TUT7: variants seen among roughly 807,000 people sequenced by gnomAD.
TUT7 encodes the protein terminal uridylyl transferase 7.
Under a neutral mutation model 165.9 loss-of-function variants are expected in TUT7, and 33 were observed. That is an observed-to-expected ratio of 0.20 (90% CI 0.15 to 0.27). The LOEUF (loss-of-function observed/expected upper bound fraction) is 0.27. Ranked by LOEUF, TUT7 falls within the 10% of genes least tolerant of loss-of-function variation. The pLI is 1.00. For missense variants in TUT7, 1,338 were observed against 1,762.3 expected (o/e 0.76, Z 4.31); for synonymous variants, 552 against 608.1 (o/e 0.91, Z 1.36).
intron 26 of TUT7, among the ~76,000 whole-genome samples, chr9:86,298,067 C>CA (rs1234487205): frequency 6.6e-6 from 1 of 152,120 alleles, no homozygotes; most frequent in African/African-American, 2.4e-5. Flanking sequence ...CGACTGGCCC[C>CA]TTTGTTTCAT....
chr9:86,302,697 A>G (rs1827056298), intron 25 of TUT7, among the ~76,000 whole-genome samples: 1 of 150,452 alleles, frequency 6.6e-6, no homozygotes, highest in Non-Finnish European at 1.5e-5. Flanking sequence ...GCTCACTGCA[A>G]TCTCTGCCTC....
chr9:86,322,431 T>C lies in TUT7; in HGVS notation c.2922A>G (p.Leu974=), dbSNP rs1348965619. The change falls in exon 14 of 27, where the codon CTA becomes CTG. Residue 974 remains leucine (L), a synonymous_variant. Coordinates refer to ENST00000375963, the MANE Select transcript of TUT7 (RefSeq NM_024617.4). ...VCSLCKREGH[L]KKDCPEDFKR... Reference sequence around the variant, plus strand: ...TGAAGTCTTCAGGACAGTCCTTCTTTAGATGACCCTCTCGTTTGCATAAGC... The same window carrying C: ...TGAAGTCTTCAGGACAGTCCTTCTTCAGATGACCCTCTCGTTTGCATAAGC... 6.2e-7 allele frequency: 1 copy of C among 1,614,086 alleles called. No homozygotes were observed. The highest frequency in any genetic ancestry group is 1.7e-5 in the Admixed American group (1 of 60,014).
In TUT7 at chr9:86,343,104, C is replaced by T; in HGVS notation, c.1057G>A (p.Val353Ile). 1.2e-6 allele frequency: 2 copies of T among 1,604,412 alleles called. No homozygotes were observed. Among genetic ancestry groups the T allele is most frequent in the Middle Eastern group, 1.7e-4 (1 of 5,824 alleles). ...GCTGGAAACTGGATGTCAATGTTTA[C>T]ATCCGAATTTTTGAAACCCAATCTG... is the stretch of plus-strand genomic sequence containing the variant. ...CSRLGFKNSD[V>I]NIDIQFPAIM... Residue 353 changes from valine to isoleucine, a missense_variant, in exon 6 of 27, where the codon GTA (valine) becomes ATA (isoleucine). Val to Ile is a conservative substitution (Grantham distance 29). Coordinates refer to ENST00000375963, the MANE Select transcript of TUT7 (RefSeq NM_024617.4).
intron 10 of TUT7, among the ~76,000 whole-genome samples, chr9:86,330,511 A>G (rs1411673151): frequency 6.6e-6 from 1 of 152,216 alleles, no homozygotes; most frequent in African/African-American, 2.4e-5. Context: ...GGTTGGATGT[A>G]TGTATTCAAT....
chr9:86,308,395 G>A (rs779990692), intron 22 of TUT7, 34 bp downstream of exon 22: 10 of 1,576,730 alleles, frequency 6.3e-6, no homozygotes, highest in African/African-American at 2.7e-5. Context: ...AAGCTCTATA[G>A]TCTATTCGAC....
intron 10 of TUT7, among the ~76,000 whole-genome samples, chr9:86,328,993 A>G (rs1830061997): frequency 6.6e-6 from 1 of 152,242 alleles, no homozygotes; most frequent in Admixed American, 6.5e-5. Context: ...TAATAAATAC[A>G]AGACAACTAT....
At position 86,353,097 on chromosome 9, in the gene TUT7, T is replaced by TA. The variant is rs1564108311; in HGVS notation, c.102_103insT (p.Ile35TyrfsTer4). On this transcript the variant is annotated frameshift_variant, in exon 2 of 27. Coordinates refer to ENST00000375963, the MANE Select transcript of TUT7 (RefSeq NM_024617.4). LOFTEE classifies it high-confidence loss of function. Reference sequence around the variant, plus strand: ...TGGCCTTTAGCATGGTCATCTATTATTAAATAATCTTGTTGGGGGTGACCC... The same window carrying TA: ...TGGCCTTTAGCATGGTCATCTATTATATAAATAATCTTGTTGGGGGTGACCC... 2 of 1,614,008 alleles carry TA rather than the reference T, an allele frequency of 1.2e-6. No individual in the cohort carries two copies.
Position 86,322,236 on chromosome 9 carries a change from T to G in TUT7, c.3028+89A>C, listed in dbSNP as rs538579074. ...AATAGACTTGGTCCCTAATAATGTT[T>G]AGAGACCTAAATAGGATAGTGATTC... On this transcript the variant is annotated intron_variant, in intron 14 of 26. Transcript: ENST00000375963. The G allele has an allele frequency of 4.5e-5, 56 of 1,246,158 alleles. No homozygotes were observed. In the South Asian group the frequency reaches 6.5e-4, roughly 15 times the overall value. 77.2% of individuals were successfully genotyped at this position (1,246,158 alleles called of 1,614,324 possible).
At chr9:86,293,396 T>C (rs1314588933) in intron 26 of TUT7, among the ~76,000 whole-genome samples, 2 of 151,986 alleles carry the variant, frequency 1.3e-5, no homozygotes, top group Non-Finnish European at 2.9e-5. Context: ...TAGTGAGCTA[T>C]AATTGAGCCA....
intron 1 of TUT7, among the ~76,000 whole-genome samples, chr9:86,353,523 T>C (rs573028360): frequency 6.6e-6 from 1 of 152,328 alleles, no homozygotes; most frequent in South Asian, 2.1e-4. Flanking sequence ...AGTAGAATAT[T>C]ACTCATATCA....
chr9:86,350,903 C>A (rs1312799767), intron 2 of TUT7, among the ~76,000 whole-genome samples: 1 of 150,914 alleles, frequency 6.6e-6, no homozygotes, highest in African/African-American at 2.4e-5. Context: ...GAAGCAGAGG[C>A]AGGTCGATCA....
chr9:86,345,165 C>G lies in TUT7; in HGVS notation c.820-11G>C, dbSNP rs749100171. 6.3e-7 allele frequency: 1 copy of G among 1,598,418 alleles called. No individual in the cohort carries two copies. Among genetic ancestry groups the G allele is most frequent in the South Asian group, 1.1e-5 (1 of 88,524 alleles). On this transcript the variant is annotated splice_polypyrimidine_tract_variant and intron_variant, in intron 4 of 26. Transcript: ENST00000375963. ...TTCCTCTTGCTTCTCCTTTTAAGAT[C>G]AAATGTTGAGATTAAAAATGACTTA...
At chr9:86,315,638 C>T (rs1048608790) in intron 17 of TUT7, among the ~76,000 whole-genome samples, 12 of 152,090 alleles carry the variant, frequency 7.9e-5, no homozygotes, top group Non-Finnish European at 1.5e-4. Context: ...CTTTGCACGA[C>T]CTTCAAAACA....
chr9:86,324,164 T>C (rs1222913282), intron 12 of TUT7, among the ~76,000 whole-genome samples: 2 of 152,116 alleles, frequency 1.3e-5, no homozygotes, highest in African/African-American at 2.4e-5. Flanking sequence ...TTCTGAAACA[T>C]CGGCTCTATG....
chr9:86,343,125 A>G lies in TUT7; in HGVS notation c.1036T>C (p.Leu346=), dbSNP rs771082181. The change falls in exon 6 of 27, where the codon TTG becomes CTG. Residue 346 remains leucine (L), a synonymous_variant. Coordinates refer to ENST00000375963, the MANE Select transcript of TUT7 (RefSeq NM_024617.4). ...TTTACATCCGAATTTTTGAAACCCA[A>G]TCTGCTACAGGATGACCCATATAAT... is the stretch of plus-strand genomic sequence containing the variant. The part of the protein sequence containing the change: ...LRLYGSSCSR[L]GFKNSDVNID... The G allele has an allele frequency of 1.1e-5, 18 of 1,603,334 alleles. No individual in the cohort carries two copies. The highest frequency in any genetic ancestry group is 1.0e-4 in the Admixed American group (6 of 58,858).
At chr9:86,303,292 C>T in intron 24 of TUT7, 91 bp from the exon 25 acceptor site, 1 of 600,744 alleles carries the variant, frequency 1.7e-6, no homozygotes, top group Non-Finnish European at 3.0e-6. Context: ...TCTTACAATT[C>T]AATGTTGATA....
intron 26 of TUT7, among the ~76,000 whole-genome samples, chr9:86,300,958 G>T (rs1443112860): frequency 2.0e-5 from 3 of 152,218 alleles, no homozygotes; most frequent in Non-Finnish European, 4.4e-5. Flanking sequence ...AAGTAGCAAA[G>T]CTCAAGTTGC....
intron 2 of TUT7, among the ~76,000 whole-genome samples, chr9:86,348,359 T>C (rs1157885658): frequency 6.6e-6 from 1 of 152,250 alleles, no homozygotes. Flanking sequence ...CTGCTAATAC[T>C]GTCCCCATTG....
At chr9:86,348,877 A>C (rs1381972104) in intron 2 of TUT7, among the ~76,000 whole-genome samples, 1 of 152,242 alleles carries the variant, frequency 6.6e-6, no homozygotes, top group Non-Finnish European at 1.5e-5. Context: ...AGAGTGGACT[A>C]GCACTGAAAG....
Sources: gnomAD v4.1 joint callset for allele counts (sites outside exome capture counted in the v4.1 genomes callset) on GRCh38, gnomAD v4.1.1 for gene constraint, MANE v1.5 for transcripts, NCBI Gene and HGNC (gene_info 2026-07-23, HGNC 2026-07-21) for gene names.